Variants in SLC12A1 observed in about 807,000 individuals in gnomAD.
The protein encoded by SLC12A1 is Na-K-2Cl cotransporter.
In SLC12A1, 89 loss-of-function variants were observed where a neutral mutation model predicts 130.4. That is an observed-to-expected ratio of 0.68 (90% CI 0.58 to 0.81). The LOEUF (loss-of-function observed/expected upper bound fraction) is 0.81, where lower values mean the gene tolerates loss of function less well. Ranked by LOEUF, SLC12A1 falls within the 40% of genes least tolerant of loss-of-function variation. The probability of loss-of-function intolerance (pLI) is 0.00; values close to 1 mark genes in which losing one functional copy is unlikely to be tolerated. For missense variants in SLC12A1, 1,310 were observed against 1,336.4 expected (o/e 0.98, Z 0.31); for synonymous variants, 499 against 460.0 (o/e 1.08, Z -1.09).
intron 4 of SLC12A1, 115 bp downstream of exon 4, chr15:48,221,111 T>C (rs2041208486): frequency 2.0e-6 from 2 of 995,826 alleles, no homozygotes; most frequent in East Asian, 4.9e-5. Context: ...TAATTTACAG[T>C]TGGGCTCCTT....
intron 10 of SLC12A1, among the ~76,000 whole-genome samples, 170 bp from the exon 11 acceptor site, chr15:48,244,583 G>GA (rs1237963447): frequency 6.6e-6 from 1 of 152,122 alleles, no homozygotes; most frequent in Non-Finnish European, 1.5e-5. Flanking sequence ...CAGAAAACGG[G>GA]AAACCCCAGG....
chr15:48,296,985 A>C lies in SLC12A1; in HGVS notation c.2961-2155A>C, dbSNP rs138507859. 5.2e-3 allele frequency among the ~76,000 whole-genome samples: 798 copies of C among 152,332 alleles called. 8 individuals carry two copies. Among genetic ancestry groups the C allele is most frequent in the Middle Eastern group, 0.044 (13 of 294 alleles). Reference sequence around the variant, plus strand: ...AGCATGTTTCAATTGCAAGTAAAAGAAAACTTAACTCACAGTGATTTAGAC... The same window carrying C: ...AGCATGTTTCAATTGCAAGTAAAAGCAAACTTAACTCACAGTGATTTAGAC... On this transcript the variant is annotated intron_variant, in intron 24 of 26. Transcript: ENST00000380993.
chr15:48,290,896 A>C (rs1032607594), intron 23 of SLC12A1, among the ~76,000 whole-genome samples: 1 of 152,128 alleles, frequency 6.6e-6, no homozygotes, highest in African/African-American at 2.4e-5. Context: ...ATAATTTGAA[A>C]ATGTTTTGTG....
chr15:48,299,328 A>C, intron 25 of SLC12A1, 53 bp downstream of exon 25: 5 of 1,438,862 alleles, frequency 3.5e-6, no homozygotes, highest in Non-Finnish European at 4.6e-6. Context: ...TGAGAAAGGA[A>C]ACAGTAGTTG....
chr15:48,251,716 A>T lies in SLC12A1; in HGVS notation c.1888A>T (p.Ile630Phe). The T allele has an allele frequency of 6.2e-7, 1 of 1,613,922 alleles. No homozygotes were observed. Among genetic ancestry groups the T allele is most frequent in the Non-Finnish European group, 8.5e-7 (1 of 1,179,816 alleles). ...MFVINWWAAV[I>F]TYVIEFFLYV... The stretch of plus-strand genomic sequence containing the variant: ...TGTCATCAACTGGTGGGCAGCTGTC[A>T]TCACCTATGTCATTGAATTCTTCCT... Residue 630 changes from isoleucine to phenylalanine, a missense_variant, in exon 15 of 27, where the codon ATC (isoleucine) becomes TTC (phenylalanine). Ile to Phe is a conservative substitution (Grantham distance 21). Transcript: ENST00000380993.
At chr15:48,228,184 T>C (rs935644349) in intron 5 of SLC12A1, 1 of 149,366 alleles carries the variant, frequency 6.7e-6, no homozygotes, top group Non-Finnish European at 1.5e-5. Flanking sequence ...CATCTAGTGC[T>C]TTTCACCTTC....
chr15:48,288,022 T>G (rs893808439), intron 21 of SLC12A1, 21 bp from the exon 22 acceptor site: 1 of 1,604,424 alleles, frequency 6.2e-7, no homozygotes, highest in Non-Finnish European at 8.5e-7. Flanking sequence ...AACAGATGCA[T>G]CAATTCCTCT....
intron 24 of SLC12A1, among the ~76,000 whole-genome samples, chr15:48,298,032 C>T (rs1327966350): frequency 6.6e-6 from 1 of 152,220 alleles, no homozygotes; most frequent in African/African-American, 2.4e-5. Context: ...AGTATCTTTT[C>T]AGTCTCTTAA....
Position 48,288,105 on chromosome 15 carries a change from G to A in SLC12A1, c.2692G>A (p.Ala898Thr), listed in dbSNP as rs1446324190. 2 of 1,611,002 alleles carry A rather than the reference G, an allele frequency of 1.2e-6. No individual in the cohort carries two copies. The highest frequency in any genetic ancestry group is 4.5e-5 in the East Asian group (2 of 44,830). ...VGEFNQKLVE[A>T]STQFKKKQEK... ...AGAGTTCAACCAGAAACTGGTGGAA[G>A]CCAGCACTCAATTTAAAAAGAAACA... The change falls in exon 22 of 27, where the codon GCC becomes ACC. Residue 898 changes from alanine (A) to threonine (T), a missense_variant. By Grantham distance (58) the Ala-to-Thr change is moderately conservative. Coordinates refer to ENST00000380993, the MANE Select transcript of SLC12A1 (RefSeq NM_000338.3).
At chr15:48,243,587 G>A (rs973600044) in intron 10 of SLC12A1, among the ~76,000 whole-genome samples, 2 of 151,852 alleles carry the variant, frequency 1.3e-5, no homozygotes, top group Non-Finnish European at 2.9e-5. Flanking sequence ...CGCAGGAGGC[G>A]GAGGTTGCAG....
In SLC12A1 at chr15:48,207,708, C is replaced by T. The variant is rs2040998060; in HGVS notation, c.-12C>T. 2 of 1,535,050 alleles carry T rather than the reference C, an allele frequency of 1.3e-6. No individual in the cohort carries two copies. The highest frequency in any genetic ancestry group is 2.6e-5 in the South Asian group (2 of 75,550). Reference sequence around the variant, plus strand: ...CAAAGTAGATAGCTCAGTAAAAAATCAATTTTGGAAGATGTCACTGAACAA... The same window carrying T: ...CAAAGTAGATAGCTCAGTAAAAAATTAATTTTGGAAGATGTCACTGAACAA... On this transcript the variant is annotated 5_prime_UTR_variant, in exon 2 of 27. Coordinates refer to ENST00000380993, the MANE Select transcript of SLC12A1 (RefSeq NM_000338.3).
At chr15:48,282,304 G>A (rs2042016117) in intron 20 of SLC12A1, among the ~76,000 whole-genome samples, 1 of 152,240 alleles carries the variant, frequency 6.6e-6, no homozygotes, top group East Asian at 1.9e-4. Context: ...CTGCAATTTT[G>A]CAGCTTGCTC....
chr15:48,301,445 C>A, intron 26 of SLC12A1, 63 bp downstream of exon 26: 2 of 1,126,290 alleles, frequency 1.8e-6, no homozygotes, highest in South Asian at 1.6e-5. Context: ...TGGGTTAATC[C>A]ATTTAAAAGC....
chr15:48,279,246 T>C (rs1468570891), intron 20 of SLC12A1, among the ~76,000 whole-genome samples: 1 of 152,244 alleles, frequency 6.6e-6, no homozygotes, highest in Non-Finnish European at 1.5e-5. Flanking sequence ...TTTCATTATA[T>C]TATGCTGTAA....
intron 9 of SLC12A1, among the ~76,000 whole-genome samples, chr15:48,238,833 AGAACC>A (rs1376885145): frequency 6.6e-6 from 1 of 152,236 alleles, no homozygotes; most frequent in African/African-American, 2.4e-5. Flanking sequence ...GTTCCCATCC[AGAACC>A]TTACATTTGC....
chr15:48,238,762 G>A (rs2041467831), intron 9 of SLC12A1, among the ~76,000 whole-genome samples: 2 of 152,168 alleles, frequency 1.3e-5, no homozygotes, highest in South Asian at 4.2e-4. Flanking sequence ...CCTGATCTCC[G>A]CTCACAGCCT....
rs1034599188 is a variant in SLC12A1 at position 48,269,860 on chromosome 15, A to G, written c.2402+96A>G. The G allele has an allele frequency of 1.8e-5, 11 of 615,030 alleles. No individual in the cohort carries two copies. The African/African-American group carries it at 1.8e-4, about 10-fold the overall frequency. The allele number at this position is 615,030 out of a possible 1,614,324, so 38.1% of individuals were successfully genotyped here. A position where few individuals can be genotyped will look rare whatever the true frequency, so the allele number is the denominator to read the frequency against. On this transcript the variant is annotated intron_variant, in intron 19 of 26. Coordinates refer to ENST00000380993, the MANE Select transcript of SLC12A1 (RefSeq NM_000338.3). ...CACATAACACTGTTGTGTCAGATTA[A>G]ATTGCCTGAGAAGAGTACATTCCCC... is the stretch of plus-strand genomic sequence containing the variant.
chr15:48,238,566 T>A (rs1381220413), intron 9 of SLC12A1, among the ~76,000 whole-genome samples: 1 of 152,172 alleles, frequency 6.6e-6, no homozygotes, highest in Non-Finnish European at 1.5e-5. Flanking sequence ...AGTAGTAACG[T>A]GGTCACAAGC....
intron 16 of SLC12A1, among the ~76,000 whole-genome samples, chr15:48,256,333 G>T (rs746176370): frequency 2.6e-5 from 4 of 152,182 alleles, no homozygotes; most frequent in Admixed American, 1.3e-4. Flanking sequence ...AACCTCAAGC[G>T]CAAGCTTGTA....
Sources: allele counts gnomAD v4.1 joint callset (sites outside exome capture counted in the v4.1 genomes callset), GRCh38; gene constraint gnomAD v4.1.1; transcripts MANE v1.5; gene names NCBI Gene and HGNC (gene_info 2026-07-23, HGNC 2026-07-21).